TSHR: variants seen among roughly 807,000 people sequenced by gnomAD.
TSHR encodes the protein thyroid stimulating hormone receptor, also known as thyrotropin receptor.
A neutral mutation model predicts 64.1 loss-of-function variants in TSHR; 51 were observed. That is an observed-to-expected ratio of 0.80 (90% CI 0.64 to 1.01). The LOEUF (loss-of-function observed/expected upper bound fraction) is 1.01, where lower values mean the gene tolerates loss of function less well. Among genes scored for constraint, TSHR ranks in the 50% least tolerant of loss-of-function variants. The pLI is 0.00. For synonymous variants in TSHR, 361 were observed against 361.9 expected (o/e 1.00, Z 0.03); for missense variants, 877 against 942.8 (o/e 0.93, Z 0.91).
intron 8 of TSHR, among the ~76,000 whole-genome samples, chr14:81,114,805 G>C (rs1170115787): frequency 6.6e-6 from 1 of 152,206 alleles, no homozygotes; most frequent in Non-Finnish European, 1.5e-5. Context: ...AGAGAGCCGT[G>C]GTTCTACCAG....
At chr14:81,080,918 A>G (rs533399310) in intron 3 of TSHR, among the ~76,000 whole-genome samples, 2 of 151,942 alleles carry the variant, frequency 1.3e-5, no homozygotes, top group South Asian at 4.1e-4. Flanking sequence ...TAGAGTAGTG[A>G]AAAAAAGTTA....
At chr14:81,114,446 C>T (rs1235226863) in intron 8 of TSHR, among the ~76,000 whole-genome samples, 2 of 152,202 alleles carry the variant, frequency 1.3e-5, no homozygotes. Flanking sequence ...CGGGTCGCTC[C>T]CACCCGAATA....
intron 1 of TSHR, chr14:81,001,342 C>T: frequency 6.7e-6 from 2 of 298,428 alleles, no homozygotes; most frequent in South Asian, 6.5e-5. Context: ...AAAATTTGTT[C>T]CTTTTCAGTA....
At chr14:80,982,372 G>T (rs1888217654) in intron 1 of TSHR, 5 of 1,257,988 alleles carry the variant, frequency 4.0e-6, no homozygotes, top group East Asian at 2.6e-5. Context: ...TGGAGAAGAG[G>T]CTGGTAATCA....
intron 2 of TSHR, among the ~76,000 whole-genome samples, chr14:81,062,667 C>A (rs987534821): frequency 6.6e-6 from 1 of 152,112 alleles, no homozygotes; most frequent in Non-Finnish European, 1.5e-5. Context: ...GGTTTCAGAT[C>A]TCTCACGTTA....
At chr14:81,072,554 T>A (rs942659350) in intron 3 of TSHR, among the ~76,000 whole-genome samples, 7 of 151,972 alleles carry the variant, frequency 4.6e-5, no homozygotes, top group Non-Finnish European at 1.0e-4. Flanking sequence ...AGCGAGAAAT[T>A]GGAAGAAATA....
At chr14:80,998,032 C>T (rs530954957) in intron 1 of TSHR, among the ~76,000 whole-genome samples, 1 of 152,220 alleles carries the variant, frequency 6.6e-6, no homozygotes, top group South Asian at 2.1e-4. Flanking sequence ...AGCTGGAATG[C>T]CATTACATCA....
intron 1 of TSHR, among the ~76,000 whole-genome samples, chr14:81,016,667 G>T (rs992757137): frequency 6.6e-6 from 1 of 151,956 alleles, no homozygotes; most frequent in African/African-American, 2.4e-5. Context: ...TGTGCTTTGG[G>T]GGTCATATCT....
intron 7 of TSHR, chr14:81,105,266 G>A (rs1889820063): frequency 5.1e-6 from 5 of 981,216 alleles, no homozygotes; most frequent in South Asian, 9.4e-5. Flanking sequence ...TGATAAATGA[G>A]GTTGATGGAA....
chr14:81,113,160 A>C (rs1214923004), intron 8 of TSHR, among the ~76,000 whole-genome samples: 5 of 152,262 alleles, frequency 3.3e-5, no homozygotes. Flanking sequence ...TAATATAGGC[A>C]TGAGATGAAA....
At chr14:80,957,474 A>C (rs934474089) in intron 1 of TSHR, among the ~76,000 whole-genome samples, 16 of 152,200 alleles carry the variant, frequency 1.1e-4, no homozygotes, top group African/African-American at 3.1e-4. Flanking sequence ...AACAAAAAAA[A>C]AAAAACTTAA....
At chr14:81,041,837 G>C (rs1450158056) in intron 1 of TSHR, among the ~76,000 whole-genome samples, 1 of 152,090 alleles carries the variant, frequency 6.6e-6, no homozygotes, top group Non-Finnish European at 1.5e-5. Context: ...ATACTATACA[G>C]GTTTCTAGCC....
intron 1 of TSHR, chr14:81,053,904 C>G (rs1032041648): frequency 2.0e-5 from 3 of 152,136 alleles, no homozygotes; most frequent in Non-Finnish European, 4.4e-5. Flanking sequence ...GTCTCAGAAA[C>G]ATTATGTTGA....
chr14:81,031,310 G>A (rs1267779796), intron 1 of TSHR, among the ~76,000 whole-genome samples: 2 of 152,110 alleles, frequency 1.3e-5, no homozygotes, highest in Non-Finnish European at 2.9e-5. Context: ...TACACACATA[G>A]GAGACAGCGT....
chr14:81,038,191 C>T (rs893961554), intron 1 of TSHR, among the ~76,000 whole-genome samples: 3 of 151,772 alleles, frequency 2.0e-5, no homozygotes, highest in Admixed American at 1.3e-4. Context: ...TTTTGGAAAT[C>T]GTGCAAATAC....
intron 4 of TSHR, among the ~76,000 whole-genome samples, chr14:81,090,739 C>T (rs557823013): frequency 1.5e-4 from 23 of 151,974 alleles, no homozygotes; most frequent in Non-Finnish European, 2.5e-4. Flanking sequence ...TCCAATTAAA[C>T]GAGAAAATCA....
At chr14:81,040,417 A>T (rs943731238) in intron 1 of TSHR, among the ~76,000 whole-genome samples, 3 of 152,078 alleles carry the variant, frequency 2.0e-5, no homozygotes, top group Non-Finnish European at 4.4e-5. Flanking sequence ...GATTTTTTTG[A>T]TAACATCTGA....
chr14:81,048,992 G>A (rs1329387896), intron 1 of TSHR, among the ~76,000 whole-genome samples: 2 of 152,062 alleles, frequency 1.3e-5, no homozygotes, highest in Non-Finnish European at 1.5e-5. Flanking sequence ...TATGCCACAG[G>A]AATTTAACTC....
At chr14:81,084,127 G>C (rs1295506817) in intron 3 of TSHR, among the ~76,000 whole-genome samples, 1 of 152,180 alleles carries the variant, frequency 6.6e-6, no homozygotes, top group Non-Finnish European at 1.5e-5. Flanking sequence ...TGAGATTTGG[G>C]TGGGGACACA....
Sources: allele counts gnomAD v4.1 joint callset (sites outside exome capture counted in the v4.1 genomes callset), GRCh38; gene constraint gnomAD v4.1.1; transcripts MANE v1.5; gene names NCBI Gene and HGNC (gene_info 2026-07-23, HGNC 2026-07-21).